Variants in C14orf93 observed in about 807,000 individuals in gnomAD.
C14orf93 encodes uncharacterized protein C14orf93.
Under a neutral mutation model 44.0 loss-of-function variants are expected in C14orf93, and 23 were observed. The ratio of observed to expected loss-of-function variants is 0.52; its 90% confidence interval spans 0.38 to 0.74. The LOEUF is 0.74. Among genes scored for constraint, C14orf93 ranks in the 30% least tolerant of loss-of-function variants. The probability of loss-of-function intolerance (pLI) is 0.00; values close to 1 mark genes in which losing one functional copy is unlikely to be tolerated. For missense variants in C14orf93, 579 were observed against 678.9 expected (o/e 0.85, Z 1.64); for synonymous variants, 253 against 265.7 (o/e 0.95, Z 0.46).
chr14:23,004,319 T>G (rs1295091983), intron 1 of C14orf93, among the ~76,000 whole-genome samples: 1 of 151,710 alleles, frequency 6.6e-6, no homozygotes, highest in East Asian at 2.0e-4. Flanking sequence ...CAAGCGATTC[T>G]TCTGCCTCAG....
At chr14:23,002,148 C>CAA (rs74577400) in intron 1 of C14orf93, among the ~76,000 whole-genome samples, 27 of 62,088 alleles carry the variant, frequency 4.3e-4, no homozygotes, top group African/African-American at 1.1e-3. Flanking sequence ...GATTCCGTCT[C>CAA]AAAAAAAAAA....
chr14:22,992,549 A>ATATTTATT (rs568110834), intron 3 of C14orf93, among the ~76,000 whole-genome samples: 2 of 150,412 alleles, frequency 1.3e-5, no homozygotes, highest in African/African-American at 2.4e-5. Context: ...AGCACCTAAA[A>ATATTTATT]TATTTATTTA....
intron 5 of C14orf93, among the ~76,000 whole-genome samples, chr14:22,988,681 T>C (rs945077912): frequency 6.6e-6 from 1 of 152,082 alleles, no homozygotes; most frequent in African/African-American, 2.4e-5. Context: ...TTGGTTTAGC[T>C]TTCTTTGCCC....
chr14:23,004,321 C>A (rs1035435119), intron 1 of C14orf93, among the ~76,000 whole-genome samples: 2 of 151,722 alleles, frequency 1.3e-5, no homozygotes, highest in African/African-American at 4.8e-5. Flanking sequence ...AGCGATTCTT[C>A]TGCCTCAGCC....
intron 1 of C14orf93, among the ~76,000 whole-genome samples, chr14:23,003,899 T>TATG (rs1491160474): frequency 2.0e-4 from 2 of 9,910 alleles, no homozygotes; most frequent in African/African-American, 1.3e-3. Context: ...TATATATATA[T>TATG]TTTTTTTTTT....
At chr14:22,992,163 T>C (rs184068184) in intron 3 of C14orf93, among the ~76,000 whole-genome samples, 28 of 152,284 alleles carry the variant, frequency 1.8e-4, no homozygotes, top group African/African-American at 6.7e-4. Context: ...TGAACATTTC[T>C]ACTCATTAAA....
intron 3 of C14orf93, among the ~76,000 whole-genome samples, chr14:22,992,323 A>G (rs2045690153): frequency 6.6e-6 from 1 of 151,756 alleles, no homozygotes; most frequent in African/African-American, 2.4e-5. Flanking sequence ...AAAATTAGCC[A>G]GGCGTGGTGG....
intron 1 of C14orf93, among the ~76,000 whole-genome samples, chr14:23,001,556 CCAGGTT>C (rs925792143): frequency 6.6e-6 from 1 of 152,078 alleles, no homozygotes; most frequent in African/African-American, 2.4e-5. Context: ...GCTCTGCCTC[CCAGGTT>C]CAAGTGATTC....
chr14:22,989,979 G>C (rs1250160936), intron 4 of C14orf93, 87 bp downstream of exon 4: 2 of 1,429,936 alleles, frequency 1.4e-6, no homozygotes, highest in Non-Finnish European at 9.8e-7. Flanking sequence ...CAAAGCCTTA[G>C]TCTCATTGCT....
rs1594682457 is a variant in C14orf93, at chr14:23,004,826, G to A, written c.-380+5275C>T. On this transcript the variant is annotated intron_variant, in intron 1 of 6. Coordinates refer to ENST00000299088, the MANE Select transcript of C14orf93 (RefSeq NM_021944.4). Reference sequence around the variant, plus strand: ...CCAGCTACTCGGGAGGCTGAGGCAGGAGAATCACTTGAACCCGGGAGGTGG... The same window carrying A: ...CCAGCTACTCGGGAGGCTGAGGCAGAAGAATCACTTGAACCCGGGAGGTGG... Among the ~76,000 whole-genome samples the A allele has an allele frequency of 3.3e-5, 5 of 152,176 alleles. No homozygotes were observed. In the South Asian group the frequency reaches 1.0e-3, roughly 32 times the overall value.
intron 1 of C14orf93, among the ~76,000 whole-genome samples, chr14:23,008,588 C>T (rs958120101): frequency 2.6e-5 from 4 of 152,084 alleles, no homozygotes; most frequent in Non-Finnish European, 5.9e-5. Flanking sequence ...CCTCATATAC[C>T]TCCTATGCTT....
intron 3 of C14orf93, among the ~76,000 whole-genome samples, chr14:22,993,076 C>G (rs1474313274): frequency 6.6e-6 from 1 of 152,230 alleles, no homozygotes; most frequent in Non-Finnish European, 1.5e-5. Context: ...GACGTGGTTT[C>G]ACCATGTTGG....
At chr14:22,989,403 G>A (rs1230078422) in intron 5 of C14orf93, among the ~76,000 whole-genome samples, 5 of 152,092 alleles carry the variant, frequency 3.3e-5, no homozygotes, top group Non-Finnish European at 1.5e-5. Flanking sequence ...GGGACCAAGG[G>A]GCAGGCCTGG....
At chr14:23,008,531 C>G (rs1163426068) in intron 1 of C14orf93, among the ~76,000 whole-genome samples, 1 of 148,966 alleles carries the variant, frequency 6.7e-6, no homozygotes, top group African/African-American at 2.5e-5. Context: ...TTTTTTTTGT[C>G]TCCTGGTTGT....
Position 22,998,540 on chromosome 14 carries a change from G to A in C14orf93, c.484C>T (p.Leu162=). Residue 162 remains leucine (L), a synonymous_variant, in exon 2 of 7, where the codon CTG becomes TTG. Coordinates refer to ENST00000299088, the MANE Select transcript of C14orf93 (RefSeq NM_021944.4). ...CCAGGCCCCACTGAGGCTGCTCCCA[G>A]CTGCCGCAGCTCCTCAATCACCACC... ...VQVVIEELRQ[L]GAASVGPGPL... is the part of the protein sequence containing the mutation. 6.2e-7 allele frequency: 1 copy of A among 1,613,960 alleles called. No individual in the cohort carries two copies. Among genetic ancestry groups the A allele is most frequent in the Non-Finnish European group, 8.5e-7 (1 of 1,179,996 alleles).
Position 22,992,216 on chromosome 14 carries a change from A to C in C14orf93, c.919-2089T>G, listed in dbSNP as rs577994847. ...CGTGGTGGCTCATGCCTGTAATCCC[A>C]GTACTTTGGGAGGCCAAGGCGGGTG... On this transcript the variant is annotated intron_variant, in intron 3 of 6. Transcript: ENST00000299088. 1.6e-3 allele frequency among the ~76,000 whole-genome samples: 247 copies of C among 152,248 alleles called. 1 individual carries two copies. Among genetic ancestry groups the C allele is most frequent in the African/African-American group, 5.5e-3 (229 of 41,550 alleles).
At position 22,998,702 on chromosome 14, in the gene C14orf93, G is replaced by A. The variant is rs2139646569; in HGVS notation, c.322C>T (p.Pro108Ser). 6.2e-7 allele frequency: 1 copy of A among 1,614,214 alleles called. No homozygotes were observed. Among genetic ancestry groups the A allele is most frequent in the Non-Finnish European group, 8.5e-7 (1 of 1,180,040 alleles). The change falls in exon 2 of 7, where the codon CCT becomes TCT. Residue 108 changes from proline (P) to serine (S), a missense_variant. Pro to Ser is a moderately conservative substitution (Grantham distance 74, BLOSUM62 -1). Coordinates refer to ENST00000299088, the MANE Select transcript of C14orf93 (RefSeq NM_021944.4). ...GDLRQGKVSI[P>S]DEDGESRAHS... The stretch of plus-strand genomic sequence containing the variant: ...GCCCGGCTTTCCCCATCTTCATCAG[G>A]GATGGACACTTTCCCTTGCCTCAGG...
At chr14:23,006,369 C>T (rs2046618800) in intron 1 of C14orf93, 2 of 152,118 alleles carry the variant, frequency 1.3e-5, no homozygotes, top group African/African-American at 4.8e-5. Context: ...TGCAAAAAAT[C>T]CAAGACCTTA....
chr14:23,008,826 A>C (rs2046758634), intron 1 of C14orf93, among the ~76,000 whole-genome samples: 1 of 152,230 alleles, frequency 6.6e-6, no homozygotes. Flanking sequence ...GGCATTTCTT[A>C]TCCCTTCTAT....
Sources: allele counts gnomAD v4.1 joint callset (sites outside exome capture counted in the v4.1 genomes callset), GRCh38; gene constraint gnomAD v4.1.1; transcripts MANE v1.5; gene names NCBI Gene and HGNC (gene_info 2026-07-23, HGNC 2026-07-21).